Variants in AGPAT4 observed in about 807,000 individuals in gnomAD.
AGPAT4 encodes 1-acylglycerol-3-phosphate O-acyltransferase 4, also known as 1-acyl-sn-glycerol-3-phosphate acyltransferase delta.
Under a neutral mutation model 48.0 loss-of-function variants are expected in AGPAT4, and 15 were observed. That is an observed-to-expected ratio of 0.31 (90% CI 0.21 to 0.48). The LOEUF (loss-of-function observed/expected upper bound fraction) is 0.48, where lower values mean the gene tolerates loss of function less well. AGPAT4 is among the 20% of genes least tolerant of loss of function. The pLI, the probability that AGPAT4 is intolerant of heterozygous loss-of-function variation, is 0.99. For synonymous variants in AGPAT4, 178 were observed against 198.7 expected, an observed-to-expected ratio of 0.90 and a Z score of 0.88; for missense variants, 314 against 482.5, an observed-to-expected ratio of 0.65 and a Z score of 3.27.
In AGPAT4 at chr6:161,255,077, C is replaced by T. The variant is rs1347180693; in HGVS notation, c.-90+18861G>A. ...AAGATACACTAAGTCTAGACAGGCC[C>T]TGGTTCCCTGTGATAAACTCCAGAT... On this transcript the variant is annotated intron_variant, in intron 1 of 8. Coordinates refer to ENST00000320285, the MANE Select transcript of AGPAT4 (RefSeq NM_020133.3). This position sits in a 1 kb window ranked among gnomAD's most constrained non-coding sequence, Gnocchi z 4.7. Among the ~76,000 whole-genome samples, 1 of 152,214 alleles carries T rather than the reference C, an allele frequency of 6.6e-6. No homozygotes were observed. Among genetic ancestry groups the T allele is most frequent in the Admixed American group, 6.5e-5 (1 of 15,284 alleles).
intron 1 of AGPAT4, among the ~76,000 whole-genome samples, chr6:161,248,431 G>A (rs61649610): frequency 0.081 from 12,342 of 151,922 alleles, 1,657 homozygotes; most frequent in African/African-American, 0.28. Context: ...AAAATTAGCC[G>A]GGCATGGTGG....
In AGPAT4 at chr6:161,142,068, G is replaced by A. The variant is rs1779269402; in HGVS notation, c.844-2448C>T. ...AGGGTTTTACCATGTTGGCCAGGCT[G>A]GTATTGAACTCCTGACCTCAGGTGA... On this transcript the variant is annotated intron_variant, in intron 7 of 8. Coordinates refer to ENST00000320285, the MANE Select transcript of AGPAT4 (RefSeq NM_020133.3). This position sits in a 1 kb window ranked among gnomAD's most constrained non-coding sequence, Gnocchi z 6.4. Among the ~76,000 whole-genome samples, 3 of 152,310 alleles carry A rather than the reference G, an allele frequency of 2.0e-5. No homozygotes were observed. The South Asian group carries it at 6.2e-4, about 32-fold the overall frequency.
Position 161,231,418 on chromosome 6 carries a change from T to C in AGPAT4, c.178+618A>G, listed in dbSNP as rs1206875776. ...GTACTTAAAAGTGGAGAAATAGGAGTAGGGTTGTGGATTGTATCAATGTCA... is the reference window on the plus strand; with the variant it reads ...GTACTTAAAAGTGGAGAAATAGGAGCAGGGTTGTGGATTGTATCAATGTCA... On this transcript the variant is annotated intron_variant, in intron 2 of 8. Transcript: ENST00000320285. This position sits in a 1 kb window ranked among gnomAD's most constrained non-coding sequence, Gnocchi z 5.3. Among the ~76,000 whole-genome samples the C allele has an allele frequency of 6.7e-6, 1 of 149,478 alleles. No homozygotes were observed. The highest frequency in any genetic ancestry group is 1.5e-5 in the Non-Finnish European group (1 of 67,816).
Position 161,219,934 on chromosome 6 carries a change from G to A in AGPAT4, c.178+12102C>T, listed in dbSNP as rs1271222162. On this transcript the variant is annotated intron_variant, in intron 2 of 8. Transcript: ENST00000320285. This position sits in a 1 kb window ranked among gnomAD's most constrained non-coding sequence, Gnocchi z 4.9. ...AGGCAGGCGGCAGGCAGGCAGGCAG[G>A]CAGGCAGGCAGGCAGACAGACAGAC... is the stretch of plus-strand genomic sequence containing the variant. Among the ~76,000 whole-genome samples the A allele has an allele frequency of 9.4e-4, 142 of 150,648 alleles. No individual in the cohort carries two copies. The highest frequency in any genetic ancestry group is 3.1e-3 in the African/African-American group (127 of 40,682).
intron 2 of AGPAT4, among the ~76,000 whole-genome samples, chr6:161,207,543 A>G (rs1236496714): frequency 1.3e-5 from 2 of 152,252 alleles, no homozygotes; most frequent in East Asian, 1.9e-4. Context: ...CAAGGTACAA[A>G]GCACTGCTCT....
rs1275504853 is a variant in AGPAT4, at chr6:161,219,667, G to A, written c.178+12369C>T. On this transcript the variant is annotated intron_variant, in intron 2 of 8. Coordinates refer to ENST00000320285, the MANE Select transcript of AGPAT4 (RefSeq NM_020133.3). This position sits in a 1 kb window ranked among gnomAD's most constrained non-coding sequence, Gnocchi z 4.9. ...GCTAAGACAACTTGACTTAAGCCAA[G>A]CATCCATTCATACAATTCAGTATCA... Among the ~76,000 whole-genome samples the A allele has an allele frequency of 6.6e-6, 1 of 152,152 alleles. No homozygotes were observed. Among genetic ancestry groups the A allele is most frequent in the East Asian group, 1.9e-4 (1 of 5,200 alleles).
rs1779940844 is a variant in AGPAT4, at chr6:161,161,700, G to A, written c.348+4548C>T. 1 of 344,960 alleles carries A rather than the reference G, an allele frequency of 2.9e-6. No homozygotes were observed. Among genetic ancestry groups the A allele is most frequent in the Non-Finnish European group, 5.8e-6 (1 of 173,040 alleles). The allele number at this position is 344,960 out of a possible 1,614,324, so 21.4% of individuals were successfully genotyped here. A position where few individuals can be genotyped will look rare whatever the true frequency, so the allele number is the denominator to read the frequency against. On this transcript the variant is annotated intron_variant, in intron 3 of 8. Transcript: ENST00000320285. The surrounding 1 kb of genome is among the most constrained non-coding windows in gnomAD (Gnocchi z 4.6). ...TTGACAAGTGCATGTGTATGAAGAA[G>A]CTGGGGTAAAGGCGGTGAAATAATG... is the stretch of plus-strand genomic sequence containing the variant.
Position 161,153,502 on chromosome 6 carries a change from G to GGAAGGAA in AGPAT4, c.511-10_511-4dup. ...GTGCCCTCACAGTGAATCAGGAACT[G>GGAAGGAA]GAAGGAAGGAGGCAGGAGTCGCACG... On this transcript the variant is annotated splice_region_variant and splice_polypyrimidine_tract_variant and intron_variant, in intron 4 of 8. Coordinates refer to ENST00000320285, the MANE Select transcript of AGPAT4 (RefSeq NM_020133.3). 1 of 1,613,422 alleles carries GGAAGGAA rather than the reference G, an allele frequency of 6.2e-7. No individual in the cohort carries two copies. Among genetic ancestry groups the GGAAGGAA allele is most frequent in the Non-Finnish European group, 8.5e-7 (1 of 1,179,832 alleles).
rs1782243513 is a variant in AGPAT4, at chr6:161,235,329, G to A, written c.-89-3027C>T. Among the ~76,000 whole-genome samples the A allele has an allele frequency of 6.6e-6, 1 of 152,140 alleles. No homozygotes were observed. Among genetic ancestry groups the A allele is most frequent in the South Asian group, 2.1e-4 (1 of 4,832 alleles). ...AATTTATATGCAAACGCCAAAATAA[G>A]AATAGTCAAGGCATCCTCTGAAGAA... On this transcript the variant is annotated intron_variant, in intron 1 of 8. Coordinates refer to ENST00000320285, the MANE Select transcript of AGPAT4 (RefSeq NM_020133.3). This position sits in a 1 kb window ranked among gnomAD's most constrained non-coding sequence, Gnocchi z 6.2.
Position 161,232,218 on chromosome 6 carries a change from C to T in AGPAT4, c.-5G>A, listed in dbSNP as rs764061783. The T allele has an allele frequency of 5.6e-6, 9 of 1,612,498 alleles. No homozygotes were observed. The South Asian group carries it at 8.8e-5, about 16-fold the overall frequency. On this transcript the variant is annotated 5_prime_UTR_variant, in exon 2 of 9. Coordinates refer to ENST00000320285, the MANE Select transcript of AGPAT4 (RefSeq NM_020133.3). This position sits in a 1 kb window ranked among gnomAD's most constrained non-coding sequence, Gnocchi z 6.8. Reference sequence around the variant, plus strand: ...CAGCAGTCCCGCGAGGTCCATGATGCGTGGACGCTCTTATTCAGAAATAAA... The same window carrying T: ...CAGCAGTCCCGCGAGGTCCATGATGTGTGGACGCTCTTATTCAGAAATAAA...
intron 2 of AGPAT4, among the ~76,000 whole-genome samples, chr6:161,210,529 T>A (rs1781494089): frequency 6.6e-6 from 1 of 152,196 alleles, no homozygotes; most frequent in Non-Finnish European, 1.5e-5. Context: ...GAGTTCCAAT[T>A]AATTAGTTTA....
chr6:161,181,416 C>T (rs1409532023), intron 2 of AGPAT4, among the ~76,000 whole-genome samples: 2 of 151,890 alleles, frequency 1.3e-5, no homozygotes, highest in African/African-American at 4.8e-5. Flanking sequence ...CTCTTCTAAG[C>T]TTCCCCATCC....
rs11345143 is a variant in AGPAT4, at chr6:161,222,576, AT to A, written c.178+9459del. Among the ~76,000 whole-genome samples the A allele has an allele frequency of 0.11, 16,271 of 147,282 alleles. 1,372 individuals are homozygous for A. Among genetic ancestry groups the A allele is most frequent in the African/African-American group, 0.23 (9,193 of 40,528 alleles). ...TCTATAAAAGATTACGCATGAACAG[AT>A]TTTTTTTTTTTTCAAATTCCAATTA... On this transcript the variant is annotated intron_variant, in intron 2 of 8. Coordinates refer to ENST00000320285, the MANE Select transcript of AGPAT4 (RefSeq NM_020133.3). This position sits in a 1 kb window ranked among gnomAD's most constrained non-coding sequence, Gnocchi z 5.9.
intron 2 of AGPAT4, among the ~76,000 whole-genome samples, chr6:161,167,039 C>T (rs1227230250): frequency 1.3e-5 from 2 of 152,184 alleles, no homozygotes; most frequent in Admixed American, 6.5e-5. Flanking sequence ...TGACCACTTG[C>T]AGTTTATTCT....
intron 2 of AGPAT4, among the ~76,000 whole-genome samples, chr6:161,224,242 T>C (rs1781908699): frequency 6.6e-6 from 1 of 152,130 alleles, no homozygotes; most frequent in Non-Finnish European, 1.5e-5. Flanking sequence ...CAAGGTCCAT[T>C]TGTGCCCAAA....
rs186175970 is a variant in AGPAT4, at chr6:161,214,372, G to A, written c.178+17664C>T. ...TTACTGAGGCCTGTCTCAAATTTTG[G>A]GGGTTTCAGAAGCCTGTTGCTCCTA... On this transcript the variant is annotated intron_variant, in intron 2 of 8. Coordinates refer to ENST00000320285, the MANE Select transcript of AGPAT4 (RefSeq NM_020133.3). The surrounding 1 kb of genome is among the most constrained non-coding windows in gnomAD (Gnocchi z 5.4). 2.8e-4 allele frequency among the ~76,000 whole-genome samples: 43 copies of A among 152,204 alleles called. 1 individual carries two copies. The highest frequency in any genetic ancestry group is 7.8e-4 in the Admixed American group (12 of 15,298).
At chr6:161,168,827 C>T (rs1225654802) in intron 2 of AGPAT4, among the ~76,000 whole-genome samples, 1 of 152,172 alleles carries the variant, frequency 6.6e-6, no homozygotes, top group East Asian at 1.9e-4. Context: ...GGGAGTCAGA[C>T]ACATCCAGGC....
At chr6:161,153,602 G>T in intron 4 of AGPAT4, 103 bp from the exon 5 acceptor site, 4 of 1,389,520 alleles carry the variant, frequency 2.9e-6, no homozygotes, top group East Asian at 2.4e-5. Context: ...GTCACATATG[G>T]CCACACGATC....
intron 2 of AGPAT4, among the ~76,000 whole-genome samples, chr6:161,190,732 T>C (rs1383544204): frequency 2.0e-5 from 3 of 152,046 alleles, no homozygotes; most frequent in South Asian, 2.1e-4. Flanking sequence ...TATGCCAATA[T>C]AGGTCTGAAG....
Sources: gnomAD v4.1 joint callset for allele counts (sites outside exome capture counted in the v4.1 genomes callset) on GRCh38, gnomAD v4.1.1 for gene constraint, Gnocchi (gnomAD v3.1) non-coding constraint, MANE v1.5 for transcripts, NCBI Gene and HGNC (gene_info 2026-07-23, HGNC 2026-07-21) for gene names.